Variants in PDGFC observed in about 807,000 individuals in gnomAD.
PDGFC encodes the protein platelet-derived growth factor C.
PDGFC carries 12 observed loss-of-function variants against 35.5 expected under a neutral mutation model. The ratio of observed to expected loss-of-function variants is 0.34; its 90% confidence interval spans 0.22 to 0.55. The LOEUF (loss-of-function observed/expected upper bound fraction) is 0.55. Ranked by LOEUF, PDGFC falls within the 20% of genes least tolerant of loss-of-function variation. PDGFC has a pLI of 0.91. For synonymous variants in PDGFC, 159 were observed against 148.8 expected (o/e 1.07, Z -0.50); for missense variants, 322 against 412.4 (o/e 0.78, Z 1.90).
rs896883808 is a variant in PDGFC, at chr4:156,971,408, G to T, written c.-505C>A. Reference sequence around the variant, plus strand: ...GGCTCTCCGGGCGCCCCTCTCCCCCGCCCCACCCCCCACCCCCGAAGGGGG... The same window carrying T: ...GGCTCTCCGGGCGCCCCTCTCCCCCTCCCCACCCCCCACCCCCGAAGGGGG... On this transcript the variant is annotated 5_prime_UTR_variant, in exon 1 of 6. Coordinates refer to ENST00000502773, the MANE Select transcript of PDGFC (RefSeq NM_016205.3). 6.6e-6 allele frequency: 2 copies of T among 300,840 alleles called. No homozygotes were observed. The highest frequency in any genetic ancestry group is 2.2e-5 in the African/African-American group (1 of 45,004). 18.6% of individuals were successfully genotyped at this position (300,840 alleles called of 1,614,324 possible).
At chr4:156,845,131 C>T (rs1325032279) in intron 2 of PDGFC, among the ~76,000 whole-genome samples, 2 of 151,702 alleles carry the variant, frequency 1.3e-5, no homozygotes, top group Admixed American at 6.6e-5. Flanking sequence ...TTAAAAATTG[C>T]TTCTATATAA....
At chr4:156,943,746 C>T (rs1321107289) in intron 1 of PDGFC, among the ~76,000 whole-genome samples, 2 of 152,070 alleles carry the variant, frequency 1.3e-5, no homozygotes, top group Non-Finnish European at 1.5e-5. Context: ...TGAACTAGTT[C>T]TTAATGTTAA....
At chr4:156,779,074 T>C in intron 3 of PDGFC, 1 of 455,404 alleles carries the variant, frequency 2.2e-6, no homozygotes, top group South Asian at 1.6e-5. Flanking sequence ...TGATATATTG[T>C]ACAGAGGTCT....
intron 3 of PDGFC, among the ~76,000 whole-genome samples, chr4:156,793,983 T>TA (rs1403788625): frequency 2.0e-5 from 3 of 152,156 alleles, no homozygotes; most frequent in Non-Finnish European, 2.9e-5. Context: ...GAGCTACTAA[T>TA]ACCTTAGTAG....
At chr4:156,857,427 G>A (rs925488622) in intron 1 of PDGFC, among the ~76,000 whole-genome samples, 1 of 152,066 alleles carries the variant, frequency 6.6e-6, no homozygotes. Flanking sequence ...GGAGGAAAAG[G>A]AGCAACTTTG....
At chr4:156,874,561 A>T (rs2111153162) in intron 1 of PDGFC, among the ~76,000 whole-genome samples, 1 of 152,264 alleles carries the variant, frequency 6.6e-6, no homozygotes, top group East Asian at 1.9e-4. Flanking sequence ...AAATTGAAAT[A>T]AAAAATGAAT....
At chr4:156,839,156 A>C (rs1729138829) in intron 2 of PDGFC, among the ~76,000 whole-genome samples, 1 of 152,208 alleles carries the variant, frequency 6.6e-6, no homozygotes, top group African/African-American at 2.4e-5. Context: ...CAGCAAGTCT[A>C]GACACATTCC....
At chr4:156,849,199 T>C (rs1158631946) in intron 2 of PDGFC, among the ~76,000 whole-genome samples, 2 of 152,040 alleles carry the variant, frequency 1.3e-5, no homozygotes, top group Non-Finnish European at 2.9e-5. Flanking sequence ...CCTCTGGTAG[T>C]CTTCTAAAGA....
At chr4:156,855,968 C>A (rs1220923923) in intron 1 of PDGFC, among the ~76,000 whole-genome samples, 1 of 152,078 alleles carries the variant, frequency 6.6e-6, no homozygotes, top group African/African-American at 2.4e-5. Context: ...GTCCACAGAG[C>A]AAACAAATCT....
rs932727092 is a variant in PDGFC, at chr4:156,827,618, GT to G, written c.315-16602del. 4.8e-4 allele frequency among the ~76,000 whole-genome samples: 71 copies of G among 149,094 alleles called. 1 individual carries two copies. The South Asian group carries it at 0.01, about 21-fold the overall frequency. ...CTGTGGACCATTTTTTTAAATCTTAGTTTTTTTTTTCTTGTTTAAGAACAAA... is the reference window on the plus strand; with the variant it reads ...CTGTGGACCATTTTTTTAAATCTTAGTTTTTTTTTCTTGTTTAAGAACAAA... On this transcript the variant is annotated intron_variant, in intron 2 of 5. Coordinates refer to ENST00000502773, the MANE Select transcript of PDGFC (RefSeq NM_016205.3).
intron 2 of PDGFC, chr4:156,841,509 T>G (rs1729204613): frequency 6.6e-6 from 1 of 152,058 alleles, no homozygotes; most frequent in African/African-American, 2.4e-5. Flanking sequence ...GCAGTTTTTT[T>G]TTTTTTTTTT....
intron 1 of PDGFC, among the ~76,000 whole-genome samples, chr4:156,929,103 C>T (rs1347416332): frequency 6.6e-6 from 1 of 152,142 alleles, no homozygotes; most frequent in East Asian, 1.9e-4. Context: ...CAGTAACACC[C>T]TTGCTATTTA....
intron 2 of PDGFC, among the ~76,000 whole-genome samples, chr4:156,832,835 G>C (rs1286323270): frequency 6.6e-6 from 1 of 152,218 alleles, no homozygotes; most frequent in South Asian, 2.1e-4. Flanking sequence ...TAGTATATGC[G>C]GATTTGGGTG....
Position 156,850,370 on chromosome 4 carries a change from A to G in PDGFC, c.165T>C (p.Asn55=), listed in dbSNP as rs1560840246. 1.9e-6 allele frequency: 3 copies of G among 1,605,922 alleles called. No individual in the cohort carries two copies. Among genetic ancestry groups the G allele is most frequent in the Non-Finnish European group, 2.6e-6 (3 of 1,175,098 alleles). ...QHERIITVST[N]GSIHSPRFPH... ...GAAACCTTGGGCTGTGAATACTTCC[A>G]TTAGTAGACACAGTAATAATTCTCT... The change falls in exon 2 of 6, where the codon AAT becomes AAC. Residue 55 remains asparagine, a synonymous_variant. Coordinates refer to ENST00000502773, the MANE Select transcript of PDGFC (RefSeq NM_016205.3).
chr4:156,863,423 A>T (rs1231030087), intron 1 of PDGFC, among the ~76,000 whole-genome samples: 1 of 152,182 alleles, frequency 6.6e-6, no homozygotes, highest in Non-Finnish European at 1.5e-5. Context: ...TCTTTATTCA[A>T]CTCAGCCCAC....
At chr4:156,820,398 A>C (rs1732217750) in intron 2 of PDGFC, among the ~76,000 whole-genome samples, 2 of 152,214 alleles carry the variant, frequency 1.3e-5, no homozygotes. Flanking sequence ...CAGCCACTCA[A>C]ACCTTCAATA....
chr4:156,840,030 T>G (rs1381933080), intron 2 of PDGFC, among the ~76,000 whole-genome samples: 1 of 152,094 alleles, frequency 6.6e-6, no homozygotes, highest in Non-Finnish European at 1.5e-5. Flanking sequence ...TTTGGAAAAT[T>G]TGCAGCCTGA....
chr4:156,763,332 T>A, intron 5 of PDGFC, 126 bp from the exon 6 acceptor site: 2 of 434,316 alleles, frequency 4.6e-6, no homozygotes, highest in Non-Finnish European at 4.2e-6. Context: ...TAATTTTTCC[T>A]AGAGCACGCA....
At chr4:156,963,608 G>C (rs1197125422) in intron 1 of PDGFC, among the ~76,000 whole-genome samples, 1 of 152,150 alleles carries the variant, frequency 6.6e-6, no homozygotes. Flanking sequence ...AAGATAGTCT[G>C]GTGTGGAAAC....
Sources: allele counts gnomAD v4.1 joint callset (sites outside exome capture counted in the v4.1 genomes callset), GRCh38; gene constraint gnomAD v4.1.1; transcripts MANE v1.5; gene names NCBI Gene and HGNC (gene_info 2026-07-23, HGNC 2026-07-21).